The following ADAMTS2 variants were observed in gnomAD, a reference collection of about 807,000 sequenced individuals.
ADAMTS2 encodes ADAM metallopeptidase with thrombospondin type 1 motif 2, also known as A disintegrin and metalloproteinase with thrombospondin motifs 2.
ADAMTS2 carries 50 observed loss-of-function variants against 123.0 expected under a neutral mutation model. The observed-to-expected ratio is 0.41, with a 90% CI of 0.32 to 0.51. The LOEUF is 0.51. Ranked by LOEUF, ADAMTS2 falls within the 20% of genes least tolerant of loss-of-function variation. The probability of loss-of-function intolerance (pLI) is 0.35; values close to 1 mark genes in which losing one functional copy is unlikely to be tolerated. For synonymous variants in ADAMTS2, 678 were observed against 695.4 expected, an observed-to-expected ratio of 0.98 and a Z score of 0.39; for missense variants, 1,494 against 1,705.2, an observed-to-expected ratio of 0.88 and a Z score of 2.18.
Position 179,129,412 on chromosome 5 carries a change from CAGTTAAATT to C in ADAMTS2, c.2457+511_2457+519del. Among the ~76,000 whole-genome samples, 2 of 152,292 alleles carry C rather than the reference CAGTTAAATT, an allele frequency of 1.3e-5. No individual in the cohort carries two copies. The highest frequency in any genetic ancestry group is 4.1e-4 in the South Asian group (2 of 4,828). The stretch of plus-strand genomic sequence containing the variant: ...TTGACAAATAAAATATATCCCTATG[CAGTTAAATT>C]ACATTTTAAAAAGTGATCTGACCTC... On this transcript the variant is annotated intron_variant, in intron 16 of 21. Coordinates refer to ENST00000251582, the MANE Select transcript of ADAMTS2 (RefSeq NM_014244.5). The surrounding 1 kb of genome is among the most constrained non-coding windows in gnomAD (Gnocchi z 4.1).
intron 2 of ADAMTS2, among the ~76,000 whole-genome samples, chr5:179,294,456 G>T (rs1441603657): frequency 6.6e-6 from 1 of 152,210 alleles, no homozygotes; most frequent in Admixed American, 6.5e-5. Context: ...CTGCCCAGCA[G>T]ACCCACCCTA....
Position 179,345,357 on chromosome 5 carries a change from A to G in ADAMTS2, c.-29T>C. On this transcript the variant is annotated 5_prime_UTR_variant, in exon 1 of 22. Transcript: ENST00000251582. The surrounding 1 kb of genome is among the most constrained non-coding windows in gnomAD (Gnocchi z 7.5). Reference sequence around the variant, plus strand: ...AGCCGGACTGCAGCCGGGGCCCCGCACTCGCAGCCGGCGCGAAAGTTCCCC... The same window carrying G: ...AGCCGGACTGCAGCCGGGGCCCCGCGCTCGCAGCCGGCGCGAAAGTTCCCC... 7.1e-6 allele frequency: 8 copies of G among 1,121,454 alleles called. No homozygotes were observed. The highest frequency in any genetic ancestry group is 8.7e-6 in the Non-Finnish European group (8 of 917,760). The allele number at this position is 1,121,454 out of a possible 1,614,324, so 69.5% of individuals were successfully genotyped here.
intron 2 of ADAMTS2, among the ~76,000 whole-genome samples, chr5:179,309,825 G>A (rs977806559): frequency 6.7e-5 from 10 of 148,500 alleles, no homozygotes; most frequent in Non-Finnish European, 1.0e-4. Context: ...TCACCTCTCC[G>A]TGCCTCAGTT....
intron 2 of ADAMTS2, among the ~76,000 whole-genome samples, chr5:179,337,888 A>ACACC (rs1561767649): frequency 6.7e-6 from 1 of 149,388 alleles, no homozygotes; most frequent in Non-Finnish European, 1.5e-5. Flanking sequence ...TCACTCACTC[A>ACACC]CCCAGGTGTG....
chr5:179,332,715 G>C lies in ADAMTS2; in HGVS notation c.534+11052C>G, dbSNP rs1182633944. Reference sequence around the variant, plus strand: ...GGGGAGGGCAGAGGGGAGGGAGGGAGGGGATGGGAGAGGAAGGGAGGGAGG... The same window carrying C: ...GGGGAGGGCAGAGGGGAGGGAGGGACGGGATGGGAGAGGAAGGGAGGGAGG... On this transcript the variant is annotated intron_variant, in intron 2 of 21. Transcript: ENST00000251582. This position sits in a 1 kb window ranked among gnomAD's most constrained non-coding sequence, Gnocchi z 4.2. Among the ~76,000 whole-genome samples, 1 of 151,778 alleles carries C rather than the reference G, an allele frequency of 6.6e-6. No individual in the cohort carries two copies. Among genetic ancestry groups the C allele is most frequent in the Non-Finnish European group, 1.5e-5 (1 of 67,942 alleles).
chr5:179,115,816 C>T lies in ADAMTS2; in HGVS notation c.3179-1492G>A, dbSNP rs989285705. On this transcript the variant is annotated intron_variant, in intron 21 of 21. Transcript: ENST00000251582. This position sits in a 1 kb window ranked among gnomAD's most constrained non-coding sequence, Gnocchi z 4.4. ...CTGAAGCTGTCCAAAACAGACAAGACCCCCTTCCTTCCATCGAGGGCCAGT... is the reference window on the plus strand; with the variant it reads ...CTGAAGCTGTCCAAAACAGACAAGATCCCCTTCCTTCCATCGAGGGCCAGT... Among the ~76,000 whole-genome samples, 5 of 152,116 alleles carry T rather than the reference C, an allele frequency of 3.3e-5. No homozygotes were observed. Among genetic ancestry groups the T allele is most frequent in the African/African-American group, 1.2e-4 (5 of 41,408 alleles).
At chr5:179,216,520 G>A (rs778559990) in intron 3 of ADAMTS2, among the ~76,000 whole-genome samples, 33 of 152,034 alleles carry the variant, frequency 2.2e-4, no homozygotes, top group Admixed American at 1.4e-3. Flanking sequence ...CAGGTCCAGC[G>A]CGTGGTCCCC....
chr5:179,276,394 G>A (rs1392757100), intron 2 of ADAMTS2, among the ~76,000 whole-genome samples: 3 of 152,182 alleles, frequency 2.0e-5, no homozygotes, highest in South Asian at 2.1e-4. Flanking sequence ...CCTGGGGGGC[G>A]GCAGCGGGCA....
At chr5:179,172,627 C>T (rs1045940391) in intron 5 of ADAMTS2, among the ~76,000 whole-genome samples, 2 of 152,202 alleles carry the variant, frequency 1.3e-5, no homozygotes, top group East Asian at 1.9e-4. Context: ...CGTGAGCTAG[C>T]GCCCATAGGG....
At chr5:179,212,237 G>A (rs1764871701) in intron 3 of ADAMTS2, among the ~76,000 whole-genome samples, 2 of 145,162 alleles carry the variant, frequency 1.4e-5, no homozygotes. Flanking sequence ...CAGTGGGCAG[G>A]CACGGGCTCT....
intron 5 of ADAMTS2, among the ~76,000 whole-genome samples, chr5:179,174,847 CATTCAT>C (rs1763898859): frequency 2.0e-4 from 14 of 68,384 alleles, no homozygotes; most frequent in African/African-American, 6.6e-4. Context: ...CATTCTTGAC[CATTCAT>C]GTTCCTTTGG....
chr5:179,279,978 A>G (rs1285107434), intron 2 of ADAMTS2, among the ~76,000 whole-genome samples: 1 of 151,912 alleles, frequency 6.6e-6, no homozygotes, highest in African/African-American at 2.4e-5. Flanking sequence ...GGTGCCAGCC[A>G]CTCCCGTCCT....
chr5:179,135,200 G>A (rs1236582530), intron 13 of ADAMTS2, among the ~76,000 whole-genome samples: 2 of 134,482 alleles, frequency 1.5e-5, no homozygotes, highest in Non-Finnish European at 3.3e-5. Context: ...CCCAGCCGCT[G>A]TCCCTGCGCC....
chr5:179,151,160 G>T, intron 10 of ADAMTS2: 1 of 366,254 alleles, frequency 2.7e-6, no homozygotes, highest in Admixed American at 2.8e-5. Context: ...GCCTCCCAAA[G>T]TGCTGGGATA....
chr5:179,193,050 C>G (rs1764343124), intron 4 of ADAMTS2, among the ~76,000 whole-genome samples: 1 of 152,142 alleles, frequency 6.6e-6, no homozygotes, highest in Non-Finnish European at 1.5e-5. Flanking sequence ...TGATGCCCTC[C>G]CACTTTCCAC....
rs111774095 is a variant in ADAMTS2 at position 179,251,109 on chromosome 5, G to A, written c.688+21802C>T. Among the ~76,000 whole-genome samples the A allele has an allele frequency of 2.0e-3, 303 of 152,294 alleles. 2 individuals are homozygous for A. Among genetic ancestry groups the A allele is most frequent in the African/African-American group, 6.8e-3 (282 of 41,564 alleles). ...GAAAGAGCCCAATTCTGCATCAGGC[G>A]GGCCTGGGTTCAAATCCCAGATCCT... On this transcript the variant is annotated intron_variant, in intron 3 of 21. Transcript: ENST00000251582.
At chr5:179,299,869 C>A (rs6869201) in intron 2 of ADAMTS2, among the ~76,000 whole-genome samples, 4 of 151,478 alleles carry the variant, frequency 2.6e-5, no homozygotes, top group Non-Finnish European at 4.4e-5. Flanking sequence ...CTGAGGCGGG[C>A]GGATCACAAG....
intron 2 of ADAMTS2, among the ~76,000 whole-genome samples, chr5:179,291,905 T>TA (rs753434968): frequency 0.072 from 9,771 of 135,512 alleles, 427 homozygotes; most frequent in Non-Finnish European, 0.095. Flanking sequence ...GCTAGCTAAT[T>TA]TAAAAAAAAA....
chr5:179,258,478 C>G (rs13179057), intron 3 of ADAMTS2, among the ~76,000 whole-genome samples: 49,718 of 151,986 alleles, frequency 0.33, 9,042 homozygotes, highest in Non-Finnish European at 0.38. Flanking sequence ...ACCCCAGCCT[C>G]GGCCCCAGCT....
Sources: allele counts gnomAD v4.1 joint callset (sites outside exome capture counted in the v4.1 genomes callset), GRCh38; gene constraint gnomAD v4.1.1; non-coding constraint Gnocchi (gnomAD v3.1); transcripts MANE v1.5; gene names NCBI Gene and HGNC (gene_info 2026-07-23, HGNC 2026-07-21).